The following LPIN2 variants were observed in gnomAD, a reference collection of about 807,000 sequenced individuals.
The protein encoded by LPIN2 is lipin 2.
A neutral mutation model predicts 111.4 loss-of-function variants in LPIN2; 55 were observed. That is an observed-to-expected ratio of 0.49 (90% CI 0.40 to 0.62). The LOEUF is 0.62. Among genes scored for constraint, LPIN2 ranks in the 20% least tolerant of loss-of-function variants. The pLI is 0.00. For synonymous variants in LPIN2, 425 were observed against 414.0 expected (o/e 1.03, Z -0.32); for missense variants, 992 against 1,112.1 (o/e 0.89, Z 1.54).
At chr18:2,990,174 C>G (rs1406120926) in intron 1 of LPIN2, among the ~76,000 whole-genome samples, 2 of 152,064 alleles carry the variant, frequency 1.3e-5, no homozygotes, top group African/African-American at 4.8e-5. Flanking sequence ...AAAATTAACT[C>G]AAAATGGATT....
rs549766931 is a variant in LPIN2 at position 2,984,986 on chromosome 18, C to T, written c.-9-24137G>A. 49 of 152,584 alleles carry T rather than the reference C, an allele frequency of 3.2e-4. No homozygotes were observed. In the South Asian group the frequency reaches 9.9e-3, roughly 31 times the overall value. 9.5% of individuals were successfully genotyped at this position (152,584 alleles called of 1,614,324 possible). On this transcript the variant is annotated intron_variant, in intron 1 of 19. Coordinates refer to ENST00000677752, the MANE Select transcript of LPIN2 (RefSeq NM_001375808.2). Reference sequence around the variant, plus strand: ...TAGAATTCTGTTCAGCAACTCTTGCCTACAATGCAGCTTACACAACAGGTG... The same window carrying T: ...TAGAATTCTGTTCAGCAACTCTTGCTTACAATGCAGCTTACACAACAGGTG...
intron 12 of LPIN2, 95 bp downstream of exon 12, chr18:2,927,627 A>G (rs569816876): frequency 1.5e-6 from 2 of 1,329,392 alleles, no homozygotes; most frequent in African/African-American, 1.4e-5. Flanking sequence ...AGCCCTATAC[A>G]GTCCAAATTC....
chr18:2,960,128 C>A (rs1241861892), intron 2 of LPIN2, among the ~76,000 whole-genome samples: 13 of 151,564 alleles, frequency 8.6e-5, no homozygotes, highest in Non-Finnish European at 1.9e-4. Context: ...CAAGATCACA[C>A]CGCTGTACTC....
intron 8 of LPIN2, among the ~76,000 whole-genome samples, chr18:2,933,831 G>A (rs2077247312): frequency 6.6e-6 from 1 of 152,176 alleles, no homozygotes; most frequent in African/African-American, 2.4e-5. Flanking sequence ...AATGGTGCGG[G>A]ACAGTGAGGG....
rs1272060809 is a variant in LPIN2 at position 3,013,140 on chromosome 18, A to AT, written c.-64_-63insA. The AT allele has an allele frequency of 6.6e-6, 1 of 150,456 alleles. No individual in the cohort carries two copies. The highest frequency in any genetic ancestry group is 1.5e-5 in the Non-Finnish European group (1 of 67,356). 9.3% of individuals were successfully genotyped at this position (150,456 alleles called of 1,614,324 possible). A position where few individuals can be genotyped will look rare whatever the true frequency, so the allele number is the denominator to read the frequency against. On this transcript the variant is annotated 5_prime_UTR_variant, in exon 1 of 20. Coordinates refer to ENST00000677752, the MANE Select transcript of LPIN2 (RefSeq NM_001375808.2). The stretch of plus-strand genomic sequence containing the variant: ...GCGGCTGAGGGCAGGCGGCGGCTGG[A>AT]CTGCGACGGCTAGGACCCGCCGGGG...
chr18:3,012,401 T>G (rs1348647996), intron 1 of LPIN2, among the ~76,000 whole-genome samples: 1 of 152,166 alleles, frequency 6.6e-6, no homozygotes, highest in Non-Finnish European at 1.5e-5. Flanking sequence ...GTGGAGAAAA[T>G]GGTGATCCGC....
chr18:2,953,994 T>G (rs2077576036), intron 3 of LPIN2, among the ~76,000 whole-genome samples: 1 of 152,178 alleles, frequency 6.6e-6, no homozygotes, highest in African/African-American at 2.4e-5. Context: ...ATGTAATCAC[T>G]TATAAAAGGA....
chr18:2,938,627 G>A (rs1250394448), intron 6 of LPIN2, among the ~76,000 whole-genome samples: 2 of 152,154 alleles, frequency 1.3e-5, no homozygotes, highest in African/African-American at 4.8e-5. Context: ...TACTCATTTT[G>A]GGGGAGAAAA....
intron 4 of LPIN2, chr18:2,945,590 C>T: frequency 6.6e-7 from 1 of 1,523,060 alleles, no homozygotes; most frequent in East Asian, 2.2e-5. Context: ...TTTTTAGCTG[C>T]AGGCAGTTCA....
chr18:2,993,934 A>G (rs1193194020), intron 1 of LPIN2, among the ~76,000 whole-genome samples: 1 of 152,232 alleles, frequency 6.6e-6, no homozygotes, highest in African/African-American at 2.4e-5. Flanking sequence ...CTCTATGGTT[A>G]GTCTGCAGAC....
chr18:2,929,060 T>G lies in LPIN2; in HGVS notation c.1550+5A>C. ...TTTAACAATTATAAAAGCAGGAGTA[T>G]TTACCGATTATATATCCTTATTACA... is the stretch of plus-strand genomic sequence containing the variant. On this transcript the variant is annotated splice_donor_5th_base_variant and intron_variant, in intron 10 of 19. Coordinates refer to ENST00000677752, the MANE Select transcript of LPIN2 (RefSeq NM_001375808.2). 5 of 1,539,288 alleles carry G rather than the reference T, an allele frequency of 3.2e-6. No homozygotes were observed. Among genetic ancestry groups the G allele is most frequent in the African/African-American group, 2.7e-5 (2 of 73,406 alleles).
intron 1 of LPIN2, among the ~76,000 whole-genome samples, chr18:2,998,726 A>T (rs909753610): frequency 2.0e-5 from 3 of 152,168 alleles, no homozygotes; most frequent in Admixed American, 6.5e-5. Flanking sequence ...CTCATATCTG[A>T]AAAAAGAAAT....
At chr18:2,982,659 G>T (rs993744405) in intron 1 of LPIN2, 5 of 1,271,174 alleles carry the variant, frequency 3.9e-6, no homozygotes, top group South Asian at 1.2e-5. Flanking sequence ...ATTGGGAGAT[G>T]TAACTCACCA....
Position 3,000,054 on chromosome 18 carries a change from AGAAGAGGAGGAGGAG to A in LPIN2, c.-10+13018_-10+13032del, listed in dbSNP as rs763510924. 1.0e-3 allele frequency among the ~76,000 whole-genome samples: 153 copies of A among 148,698 alleles called. 1 individual carries two copies. The highest frequency in any genetic ancestry group is 1.7e-3 in the South Asian group (8 of 4,572). On this transcript the variant is annotated intron_variant, in intron 1 of 19. Transcript: ENST00000677752. ...TGTTTTTTTTTTTCTTTTAAAAAGAAGAAGAGGAGGAGGAGGAGGAAGAGGAGAAGGAGGAAGAGG... is the reference window on the plus strand; with the variant it reads ...TGTTTTTTTTTTTCTTTTAAAAAGAAGAGGAAGAGGAGAAGGAGGAAGAGG...
intron 8 of LPIN2, among the ~76,000 whole-genome samples, chr18:2,932,370 G>C (rs924831412): frequency 1.3e-5 from 2 of 152,116 alleles, no homozygotes; most frequent in African/African-American, 4.8e-5. Context: ...TCTCATCTTT[G>C]AGCAGTAGGT....
chr18:2,936,039 G>C (rs1177367895), intron 7 of LPIN2, among the ~76,000 whole-genome samples: 8 of 152,170 alleles, frequency 5.3e-5, no homozygotes, highest in Admixed American at 1.3e-4. Context: ...ACAGGCCTTT[G>C]GTGGAAGAGC....
intron 1 of LPIN2, among the ~76,000 whole-genome samples, chr18:2,995,642 T>C (rs1009026210): frequency 2.6e-5 from 4 of 152,196 alleles, no homozygotes; most frequent in African/African-American, 7.2e-5. Context: ...CAATACCACA[T>C]AGTCACAGAA....
chr18:2,939,676 A>G (rs1456310873), intron 5 of LPIN2, 73 bp from the exon 6 acceptor site: 1 of 1,538,614 alleles, frequency 6.5e-7, no homozygotes, highest in South Asian at 1.1e-5. Flanking sequence ...CTGACAGATT[A>G]AAAGAAACAA....
At chr18:2,952,672 G>A (rs558195704) in intron 3 of LPIN2, among the ~76,000 whole-genome samples, 1 of 152,282 alleles carries the variant, frequency 6.6e-6, no homozygotes, top group East Asian at 1.9e-4. Context: ...CAGATGAGAG[G>A]TCGTGGTCTC....
Sources: allele counts gnomAD v4.1 joint callset (sites outside exome capture counted in the v4.1 genomes callset), GRCh38; gene constraint gnomAD v4.1.1; transcripts MANE v1.5; gene names NCBI Gene and HGNC (gene_info 2026-07-23, HGNC 2026-07-21).